The following ELAPOR1 variants were observed in gnomAD, a reference collection of about 807,000 sequenced individuals.
The protein encoded by ELAPOR1 is endosome/lysosome-associated apoptosis and autophagy regulator 1.
ELAPOR1 carries 77 observed loss-of-function variants against 119.7 expected under a neutral mutation model. That is an observed-to-expected ratio of 0.64 (90% CI 0.54 to 0.78). ELAPOR1 has a LOEUF of 0.78. Among genes scored for constraint, ELAPOR1 ranks in the 30% least tolerant of loss-of-function variants. The pLI, the probability that ELAPOR1 is intolerant of heterozygous loss-of-function variation, is 0.00. For synonymous variants in ELAPOR1, 481 were observed against 487.2 expected (o/e 0.99, Z 0.17); for missense variants, 1,115 against 1,270.4 (o/e 0.88, Z 1.86).
At chr1:109,198,544 T>C (rs1162063184) in intron 17 of ELAPOR1, 29 bp from the exon 18 acceptor site, 1 of 1,589,002 alleles carries the variant, frequency 6.3e-7, no homozygotes, top group Admixed American at 1.7e-5. Context: ...AGTGACTCAT[T>C]CCCTCATGGG....
At position 109,165,357 on chromosome 1, in the gene ELAPOR1, C is replaced by T. The variant is rs924880083; in HGVS notation, c.467+666C>T. On this transcript the variant is annotated intron_variant, in intron 3 of 21. Coordinates refer to ENST00000369939, the MANE Select transcript of ELAPOR1 (RefSeq NM_020775.5). The stretch of plus-strand genomic sequence containing the variant: ...ATCCCAGCACTCTGGGAGGCCGAGG[C>T]GGGTGGATCACTTGAGGTCAGGAGT... Among the ~76,000 whole-genome samples, 7 of 152,192 alleles carry T rather than the reference C, an allele frequency of 4.6e-5. No homozygotes were observed. In the East Asian group the frequency reaches 9.7e-4, roughly 21 times the overall value.
intron 1 of ELAPOR1, among the ~76,000 whole-genome samples, chr1:109,133,890 C>T (rs943903863): frequency 7.2e-5 from 11 of 152,150 alleles, no homozygotes; most frequent in African/African-American, 2.4e-4. Flanking sequence ...GGGAGAATGG[C>T]ATCCTGTCTT....
chr1:109,194,836 G>A (rs1342286766), intron 15 of ELAPOR1, among the ~76,000 whole-genome samples: 6 of 152,196 alleles, frequency 3.9e-5, no homozygotes, highest in Admixed American at 1.3e-4. Flanking sequence ...TGCCTGGTGC[G>A]GTGGCTCACG....
At position 109,191,359 on chromosome 1, in the gene ELAPOR1, C is replaced by T; in HGVS notation, c.1440-7C>T. 1 of 1,608,736 alleles carries T rather than the reference C, an allele frequency of 6.2e-7. No individual in the cohort carries two copies. The highest frequency in any genetic ancestry group is 8.5e-7 in the Non-Finnish European group (1 of 1,175,160). On this transcript the variant is annotated splice_region_variant and splice_polypyrimidine_tract_variant and intron_variant, in intron 11 of 21. Transcript: ENST00000369939. ...TTAGAACTGACTTTTAATTTCTGCC[C>T]CTACAGACCTCCGCAGTCGGTGATG... is the stretch of plus-strand genomic sequence containing the variant.
chr1:109,160,980 A>G (rs755241033), intron 1 of ELAPOR1, among the ~76,000 whole-genome samples: 4 of 152,252 alleles, frequency 2.6e-5, no homozygotes, highest in Non-Finnish European at 4.4e-5. Flanking sequence ...CAATTAAACT[A>G]TGAGTTTCCC....
chr1:109,169,239 C>CTAT (rs925634165), intron 3 of ELAPOR1, among the ~76,000 whole-genome samples: 3 of 152,080 alleles, frequency 2.0e-5, no homozygotes, highest in African/African-American at 4.8e-5. Flanking sequence ...CTTTAACTGG[C>CTAT]TATTATTATT....
chr1:109,163,146 A>G (rs1267218931), intron 2 of ELAPOR1, among the ~76,000 whole-genome samples: 1 of 152,246 alleles, frequency 6.6e-6, no homozygotes, highest in Non-Finnish European at 1.5e-5. Context: ...CCACTTGAGC[A>G]AAAGTTTAGA....
chr1:109,131,489 C>G (rs2100980633), intron 1 of ELAPOR1, among the ~76,000 whole-genome samples: 2 of 152,192 alleles, frequency 1.3e-5, no homozygotes, highest in Middle Eastern at 6.8e-3. Context: ...AGTGGACGTT[C>G]TTAAATCTCC....
intron 15 of ELAPOR1, among the ~76,000 whole-genome samples, chr1:109,195,241 C>T (rs1382899992): frequency 6.6e-6 from 1 of 152,114 alleles, no homozygotes; most frequent in African/African-American, 2.4e-5. Flanking sequence ...CGCCTGTAAA[C>T]CCAGCACTTT....
At chr1:109,145,464 T>C (rs1650116983) in intron 1 of ELAPOR1, among the ~76,000 whole-genome samples, 1 of 151,954 alleles carries the variant, frequency 6.6e-6, no homozygotes, top group Admixed American at 6.6e-5. Context: ...GAGACCAGCA[T>C]GGTCAACATG....
intron 1 of ELAPOR1, among the ~76,000 whole-genome samples, chr1:109,135,281 T>A (rs1225728267): frequency 1.3e-5 from 2 of 152,070 alleles, no homozygotes; most frequent in African/African-American, 4.8e-5. Context: ...TCTCGCTCTG[T>A]CCCCGAGGCT....
chr1:109,153,740 A>G (rs558916099), intron 1 of ELAPOR1, among the ~76,000 whole-genome samples: 1 of 151,984 alleles, frequency 6.6e-6, no homozygotes, highest in South Asian at 2.1e-4. Flanking sequence ...CCTGGGTTCA[A>G]GCGATTCTCC....
intron 8 of ELAPOR1, 64 bp downstream of exon 8, chr1:109,185,197 GCCA>G (rs1652972623): frequency 3.1e-6 from 4 of 1,273,780 alleles, no homozygotes; most frequent in Admixed American, 3.4e-5. Flanking sequence ...CCTGAGGTTT[GCCA>G]CCATTTGGAA....
rs1245412441 is a variant in ELAPOR1 at position 109,173,548 on chromosome 1, G to A, written c.771G>A (p.Lys257=). The change falls in exon 6 of 22, where the codon AAG becomes AAA. Residue 257 remains lysine, a synonymous_variant. Coordinates refer to ENST00000369939, the MANE Select transcript of ELAPOR1 (RefSeq NM_020775.5). ...TAFSVWTKVP[K]PVLVRNIAIT... ...TCTCAGTATGGACCAAAGTACCCAA[G>A]CCTGTGCTGGTGAGAAACATTGCCA... 5.0e-6 allele frequency: 8 copies of A among 1,614,196 alleles called. 1 individual carries two copies. In the South Asian group the frequency reaches 8.8e-5, roughly 18 times the overall value.
intron 1 of ELAPOR1, among the ~76,000 whole-genome samples, chr1:109,152,434 G>A (rs1241010432): frequency 6.6e-6 from 1 of 152,106 alleles, no homozygotes; most frequent in African/African-American, 2.4e-5. Flanking sequence ...GTGACTTTAT[G>A]CAGCAGTGGT....
intron 18 of ELAPOR1, among the ~76,000 whole-genome samples, chr1:109,199,357 C>T (rs1654020769): frequency 6.6e-6 from 1 of 152,310 alleles, no homozygotes; most frequent in South Asian, 2.1e-4. Context: ...CAAAGCAGGG[C>T]GTCTTGACCC....
At chr1:109,168,480 C>A (rs567207293) in intron 3 of ELAPOR1, among the ~76,000 whole-genome samples, 1 of 152,298 alleles carries the variant, frequency 6.6e-6, no homozygotes, top group South Asian at 2.1e-4. Flanking sequence ...TGAACGGAGT[C>A]TCCATGGCAG....
chr1:109,133,991 T>C lies in ELAPOR1; in HGVS notation c.153+19655T>C, dbSNP rs931298130. Among the ~76,000 whole-genome samples, 6 of 152,296 alleles carry C rather than the reference T, an allele frequency of 3.9e-5. No individual in the cohort carries two copies. The South Asian group carries it at 8.3e-4, about 21-fold the overall frequency. On this transcript the variant is annotated intron_variant, in intron 1 of 21. Coordinates refer to ENST00000369939, the MANE Select transcript of ELAPOR1 (RefSeq NM_020775.5). ...TAATGTGGACTCCTGTTCCCAGTGA[T>C]GTTGCGCCAGCCTGGCCCAGGGGAA...
chr1:109,151,176 G>C (rs1008693437), intron 1 of ELAPOR1, among the ~76,000 whole-genome samples: 2 of 152,184 alleles, frequency 1.3e-5, no homozygotes, highest in Admixed American at 6.5e-5. Context: ...GAGAAGAAGA[G>C]CTAGAGAATC....
Sources: gnomAD v4.1 joint callset for allele counts (sites outside exome capture counted in the v4.1 genomes callset) on GRCh38, gnomAD v4.1.1 for gene constraint, MANE v1.5 for transcripts, NCBI Gene and HGNC (gene_info 2026-07-23, HGNC 2026-07-21) for gene names.